The following CTBP2 variants were observed in gnomAD, a reference collection of about 807,000 sequenced individuals.
CTBP2 encodes the protein C-terminal-binding protein 2.
CTBP2 carries 30 observed loss-of-function variants against 80.3 expected under a neutral mutation model. The observed-to-expected ratio is 0.37, with a 90% CI of 0.28 to 0.51. The LOEUF (loss-of-function observed/expected upper bound fraction) is 0.51. Ranked by LOEUF, CTBP2 falls within the 20% of genes least tolerant of loss-of-function variation. The pLI is 0.93. For synonymous variants in CTBP2, 594 were observed against 587.4 expected (o/e 1.01, Z -0.16); for missense variants, 1,212 against 1,375.3 (o/e 0.88, Z 1.88).
At chr10:125,131,332 AC>A (rs1200360028) in intron 1 of CTBP2, among the ~76,000 whole-genome samples, 2 of 152,142 alleles carry the variant, frequency 1.3e-5, no homozygotes, top group Non-Finnish European at 2.9e-5. Context: ...AACTTCTCCA[AC>A]GTTTGAAAAT....
chr10:124,994,363 G>A (rs1589918963), intron 5 of CTBP2, 106 bp downstream of exon 7: 2 of 1,102,732 alleles, frequency 1.8e-6, no homozygotes, highest in South Asian at 1.4e-5. Flanking sequence ...CTGCTCAACA[G>A]TGTATCCAGA....
intron 8 of CTBP2, among the ~76,000 whole-genome samples, chr10:124,992,209 CTTTTT>C (rs61400691): frequency 1.7e-4 from 17 of 102,516 alleles, no homozygotes; most frequent in Non-Finnish European, 2.7e-4. Flanking sequence ...TTGAGAAGCC[CTTTTT>C]TTTTTTTTTT....
At chr10:125,102,174 G>A (rs1169470519) in intron 2 of CTBP2, among the ~76,000 whole-genome samples, 1 of 152,148 alleles carries the variant, frequency 6.6e-6, no homozygotes, top group African/African-American at 2.4e-5. Flanking sequence ...GGCTCAGAGG[G>A]GCATAGTTTG....
intron 2 of CTBP2, among the ~76,000 whole-genome samples, chr10:125,089,363 A>G (rs1020193041): frequency 2.6e-5 from 4 of 152,232 alleles, no homozygotes. Context: ...AATCAGTGAA[A>G]TTATTTTGTG....
chr10:125,098,724 C>CAGAGAGAGAGAGAGACAGAGAG (rs1850066502), intron 2 of CTBP2, among the ~76,000 whole-genome samples: 2 of 75,666 alleles, frequency 2.6e-5, no homozygotes, highest in African/African-American at 1.3e-4. Flanking sequence ...GAGAGAGAGA[C>CAGAGAGAGAGAGAGACAGAGAG]AGAGAGAGAG....
At chr10:125,117,614 G>A (rs77429549) in intron 1 of CTBP2, among the ~76,000 whole-genome samples, 2,344 of 152,304 alleles carry the variant, frequency 0.015, 60 homozygotes, top group African/African-American at 0.053. Context: ...AAATGACAAC[G>A]TCTACCAAAG....
chr10:125,106,475 T>C (rs559942914), intron 2 of CTBP2, among the ~76,000 whole-genome samples: 1 of 152,268 alleles, frequency 6.6e-6, no homozygotes, highest in African/African-American at 2.4e-5. Flanking sequence ...AGGCCACACA[T>C]GCTGGCAGGT....
intron 1 of CTBP2, among the ~76,000 whole-genome samples, chr10:125,005,262 G>A (rs902420431): frequency 3.3e-5 from 5 of 152,202 alleles, no homozygotes; most frequent in African/African-American, 4.8e-5. Flanking sequence ...GGGTAGCCAG[G>A]TCCACAGCCA....
chr10:125,140,105 C>A (rs973028007), intron 1 of CTBP2, among the ~76,000 whole-genome samples: 1 of 152,054 alleles, frequency 6.6e-6, no homozygotes, highest in Non-Finnish European at 1.5e-5. Context: ...CTGGGAAGCC[C>A]CGCTGAAATC....
chr10:125,078,228 C>T (rs180828821), intron 2 of CTBP2, among the ~76,000 whole-genome samples: 1,500 of 147,140 alleles, frequency 0.01, 28 homozygotes, highest in African/African-American at 0.035. Flanking sequence ...TGTAGTGAGC[C>T]GAGATCGCGC....
At chr10:125,044,440 G>A (rs867776452) in intron 2 of CTBP2, among the ~76,000 whole-genome samples, 17 of 119,760 alleles carry the variant, frequency 1.4e-4, no homozygotes, top group Middle Eastern at 4.8e-3. Context: ...CTTTTCATCC[G>A]GAGTTAACAG....
At chr10:125,131,521 C>T (rs12250942) in intron 1 of CTBP2, among the ~76,000 whole-genome samples, 7,479 of 152,174 alleles carry the variant, frequency 0.049, 236 homozygotes, top group Middle Eastern at 0.071. Context: ...GAATGGGAGA[C>T]GGCGCTGCTT....
chr10:125,077,984 TAAG>T (rs1846532802), intron 2 of CTBP2, among the ~76,000 whole-genome samples: 1 of 152,100 alleles, frequency 6.6e-6, no homozygotes, highest in Admixed American at 6.6e-5. Context: ...ACAATTCCCA[TAAG>T]AACCTTTCTC....
At position 125,027,470 on chromosome 10, in the gene CTBP2, G is replaced by A. The variant is rs1301216105; in HGVS notation, c.290C>T (p.Ala97Val). 1.2e-5 allele frequency: 20 copies of A among 1,614,120 alleles called. No individual in the cohort carries two copies. Among genetic ancestry groups the A allele is most frequent in the Non-Finnish European group, 1.7e-5 (20 of 1,180,014 alleles). ...CAGGGGGCTGCGACCAGACATCACTGCCTGTCTGCTGTCGTAGAAGGTGAA... is the reference window on the plus strand; with the variant it reads ...CAGGGGGCTGCGACCAGACATCACTACCTGTCTGCTGTCGTAGAAGGTGAA... The change falls in exon 1 of 9, where the codon GCA becomes GTA. Residue 97 changes from alanine (A) to valine (V), a missense_variant. Physicochemically the swap from Ala to Val is moderately conservative, Grantham distance 64. Coordinates refer to ENST00000309035, the MANE Select transcript of CTBP2 (RefSeq NM_022802.3).
At chr10:125,149,575 C>A (rs550466157) in intron 1 of CTBP2, among the ~76,000 whole-genome samples, 1 of 152,290 alleles carries the variant, frequency 6.6e-6, no homozygotes, top group South Asian at 2.1e-4. Context: ...CCAACATCCA[C>A]ACCACCCCCG....
At chr10:125,151,369 C>A (rs1859836191) in intron 1 of CTBP2, among the ~76,000 whole-genome samples, 1 of 152,146 alleles carries the variant, frequency 6.6e-6, no homozygotes, top group South Asian at 2.1e-4. Context: ...AAATGTCACT[C>A]GTCCTCGACG....
chr10:125,129,301 T>TG (rs1258584323), intron 1 of CTBP2, among the ~76,000 whole-genome samples: 4 of 152,076 alleles, frequency 2.6e-5, no homozygotes, highest in African/African-American at 9.7e-5. Flanking sequence ...GGTAGGGCTT[T>TG]GGGGGGTACG....
chr10:125,082,376 G>A (rs939224831), intron 2 of CTBP2, among the ~76,000 whole-genome samples: 5 of 152,122 alleles, frequency 3.3e-5, no homozygotes, highest in Non-Finnish European at 1.5e-5. Context: ...CCTCTCTCTG[G>A]AGAAGACAAA....
At chr10:125,039,512 C>A (rs1478916255) in intron 2 of CTBP2, among the ~76,000 whole-genome samples, 1 of 152,204 alleles carries the variant, frequency 6.6e-6, no homozygotes, top group East Asian at 1.9e-4. Flanking sequence ...CAAGTGACAG[C>A]CAGTTGGACC....
Sources: gnomAD v4.1 joint callset for allele counts (sites outside exome capture counted in the v4.1 genomes callset) on GRCh38, gnomAD v4.1.1 for gene constraint, MANE v1.5 for transcripts, NCBI Gene and HGNC (gene_info 2026-07-23, HGNC 2026-07-21) for gene names.